Variants in SCD5 observed in about 807,000 individuals in gnomAD.
SCD5 encodes the protein acyl-CoA-desaturase 4.
A neutral mutation model predicts 30.4 loss-of-function variants in SCD5; 20 were observed. That is an observed-to-expected ratio of 0.66 (90% CI 0.46 to 0.96). The LOEUF is 0.96. SCD5 is among the 40% of genes least tolerant of loss of function. The pLI, the probability that SCD5 is intolerant of heterozygous loss-of-function variation, is 0.00. For missense variants in SCD5, 381 were observed against 443.3 expected, an observed-to-expected ratio of 0.86 and a Z score of 1.26; for synonymous variants, 173 against 176.4, an observed-to-expected ratio of 0.98 and a Z score of 0.16.
intron 1 of SCD5, among the ~76,000 whole-genome samples, chr4:82,720,389 T>G (rs1037076834): frequency 3.1e-5 from 4 of 129,006 alleles, no homozygotes; most frequent in African/African-American, 9.1e-5. Flanking sequence ...GTTGTAATCA[T>G]GAACTCCAGC....
intron 3 of SCD5, among the ~76,000 whole-genome samples, chr4:82,644,923 G>A (rs1161516453): frequency 6.6e-6 from 1 of 152,168 alleles, no homozygotes; most frequent in African/African-American, 2.4e-5. Flanking sequence ...CACTCTAACA[G>A]GTTCGGTCTT....
intron 1 of SCD5, among the ~76,000 whole-genome samples, chr4:82,737,088 TACTAC>T (rs2148837616): frequency 6.6e-6 from 1 of 152,356 alleles, no homozygotes; most frequent in African/African-American, 2.4e-5. Context: ...TTCCATGGTT[TACTAC>T]ACTTCGCCAT....
intron 1 of SCD5, among the ~76,000 whole-genome samples, chr4:82,790,804 G>GAA (rs372870623): frequency 8.1e-5 from 12 of 147,338 alleles, no homozygotes; most frequent in East Asian, 3.9e-4. Flanking sequence ...ATAAAATAAA[G>GAA]AAAAAAAAAA....
chr4:82,796,397 T>C (rs1445493898), intron 1 of SCD5, among the ~76,000 whole-genome samples: 1 of 152,094 alleles, frequency 6.6e-6, no homozygotes, highest in South Asian at 2.1e-4. Flanking sequence ...TGTTAACTTC[T>C]CTAAGGAAGC....
At chr4:82,720,294 G>A (rs144521703) in intron 1 of SCD5, among the ~76,000 whole-genome samples, 204 of 151,852 alleles carry the variant, frequency 1.3e-3, no homozygotes, top group African/African-American at 4.7e-3. Context: ...TTAGTTGGGT[G>A]TGGTGATGTA....
At chr4:82,777,654 G>T (rs1190862457) in intron 1 of SCD5, among the ~76,000 whole-genome samples, 2 of 152,132 alleles carry the variant, frequency 1.3e-5, no homozygotes, top group Non-Finnish European at 2.9e-5. Flanking sequence ...TTTTCATTTT[G>T]TACTGGGCCC....
chr4:82,674,079 ACT>A (rs1323956742), intron 3 of SCD5, among the ~76,000 whole-genome samples: 1 of 152,090 alleles, frequency 6.6e-6, no homozygotes, highest in African/African-American at 2.4e-5. Context: ...AATGTAGATG[ACT>A]CTGGGTTTGA....
rs1201728790 is a variant in SCD5 at position 82,749,966 on chromosome 4, A to G, written c.233-44553T>C. On this transcript the variant is annotated intron_variant, in intron 1 of 4. Coordinates refer to ENST00000319540, the MANE Select transcript of SCD5 (RefSeq NM_001037582.3). Reference sequence around the variant, plus strand: ...GGTAGGAACTCTGGAATCAGACTTCATGGGTTCAAATCCCAGCTCTACGTT... The same window carrying G: ...GGTAGGAACTCTGGAATCAGACTTCGTGGGTTCAAATCCCAGCTCTACGTT... Among the ~76,000 whole-genome samples, 4 of 152,236 alleles carry G rather than the reference A, an allele frequency of 2.6e-5. No individual in the cohort carries two copies. In the East Asian group the frequency reaches 7.7e-4, roughly 29 times the overall value.
chr4:82,762,801 TTTAA>T (rs749073649), intron 1 of SCD5, among the ~76,000 whole-genome samples: 8 of 152,300 alleles, frequency 5.3e-5, no homozygotes, highest in South Asian at 2.1e-4. Flanking sequence ...ATAGTGACAC[TTTAA>T]TTAACAAAAA....
At chr4:82,658,630 C>CTTTTTTTTTT (rs57727794) in intron 3 of SCD5, among the ~76,000 whole-genome samples, 6 of 116,912 alleles carry the variant, frequency 5.1e-5, no homozygotes, top group Admixed American at 8.2e-5. Flanking sequence ...CCACACCTGG[C>CTTTTTTTTTT]TTTTTTTTTT....
intron 2 of SCD5, chr4:82,692,337 A>G (rs548697614): frequency 6.4e-6 from 1 of 156,546 alleles, no homozygotes; most frequent in South Asian, 1.8e-4. Context: ...AAAGCTGCCC[A>G]TGCAGTTCTT....
intron 3 of SCD5, among the ~76,000 whole-genome samples, chr4:82,654,611 T>G (rs1450715908): frequency 1.3e-5 from 2 of 152,194 alleles, no homozygotes; most frequent in Non-Finnish European, 2.9e-5. Flanking sequence ...ATCAAATATC[T>G]AGACATTGGC....
At position 82,790,310 on chromosome 4, in the gene SCD5, A is replaced by G. The variant is rs141188572; in HGVS notation, c.232+7996T>C. Among the ~76,000 whole-genome samples the G allele has an allele frequency of 3.1e-3, 479 of 152,278 alleles. 3 individuals are homozygous for G. The highest frequency in any genetic ancestry group is 0.024 in the Middle Eastern group (7 of 292). On this transcript the variant is annotated intron_variant, in intron 1 of 4. Coordinates refer to ENST00000319540, the MANE Select transcript of SCD5 (RefSeq NM_001037582.3). Reference sequence around the variant, plus strand: ...GGAGCCCTGGGCAGCCTCTCTTTCCACAAACCAGATGAGGTCTGCTAAATC... The same window carrying G: ...GGAGCCCTGGGCAGCCTCTCTTTCCGCAAACCAGATGAGGTCTGCTAAATC...
chr4:82,656,322 C>T (rs1420438711), intron 3 of SCD5, among the ~76,000 whole-genome samples: 3 of 152,084 alleles, frequency 2.0e-5, no homozygotes, highest in Admixed American at 6.6e-5. Context: ...TTTCATTGCT[C>T]AACTTCCACT....
At chr4:82,642,781 C>A (rs1476956931) in intron 3 of SCD5, among the ~76,000 whole-genome samples, 1 of 152,208 alleles carries the variant, frequency 6.6e-6, no homozygotes, top group Non-Finnish European at 1.5e-5. Context: ...CTGCTGCAGA[C>A]CAAGTGAATC....
intron 3 of SCD5, among the ~76,000 whole-genome samples, chr4:82,641,543 G>T (rs551386363): frequency 1.3e-5 from 2 of 152,284 alleles, no homozygotes; most frequent in Non-Finnish European, 2.9e-5. Context: ...ACTTGGGGAA[G>T]TGAGAAGTTA....
chr4:82,675,327 G>A (rs1728412960), intron 3 of SCD5, among the ~76,000 whole-genome samples: 1 of 151,944 alleles, frequency 6.6e-6, no homozygotes, highest in African/African-American at 2.4e-5. Flanking sequence ...CAAAAAAGAG[G>A]GTATCACTGA....
At chr4:82,702,635 G>C (rs6820404) in intron 2 of SCD5, among the ~76,000 whole-genome samples, 5,951 of 152,226 alleles carry the variant, frequency 0.039, 398 homozygotes, top group African/African-American at 0.14. Context: ...ATCCCAAACA[G>C]AGACAGCTAT....
chr4:82,721,049 A>C (rs1720359839), intron 1 of SCD5, among the ~76,000 whole-genome samples: 1 of 152,078 alleles, frequency 6.6e-6, no homozygotes, highest in Non-Finnish European at 1.5e-5. Flanking sequence ...AGTTCCAGCT[A>C]CTCAGAGAGG....
Sources: gnomAD v4.1 joint callset for allele counts (sites outside exome capture counted in the v4.1 genomes callset) on GRCh38, gnomAD v4.1.1 for gene constraint, MANE v1.5 for transcripts, NCBI Gene and HGNC (gene_info 2026-07-23, HGNC 2026-07-21) for gene names.